Variants in LINGO1 observed in about 807,000 individuals in gnomAD.
The protein encoded by LINGO1 is leucine rich repeat and Ig domain containing 1, also known as leucine-rich repeat and immunoglobulin-like domain-containing nogo receptor-interacting protein 1.
Under a neutral mutation model 37.3 loss-of-function variants are expected in LINGO1, and 11 were observed. The ratio of observed to expected loss-of-function variants is 0.29; its 90% confidence interval spans 0.19 to 0.49. The LOEUF (loss-of-function observed/expected upper bound fraction) is 0.49. Ranked by LOEUF, LINGO1 falls within the 20% of genes least tolerant of loss-of-function variation. The pLI is 0.99. For missense variants in LINGO1, 585 were observed against 878.2 expected (o/e 0.67, Z 4.22); for synonymous variants, 387 against 403.0 (o/e 0.96, Z 0.48).
At chr15:77,724,507 G>A (rs770523038) in intron 2 of LINGO1, among the ~76,000 whole-genome samples, 29 of 152,210 alleles carry the variant, frequency 1.9e-4, no homozygotes, top group Non-Finnish European at 3.1e-4. Flanking sequence ...TTGTTGAGAT[G>A]AGGAAACTGT....
chr15:77,732,321 A>T (rs1378914317), intron 2 of LINGO1, among the ~76,000 whole-genome samples: 4 of 152,240 alleles, frequency 2.6e-5, no homozygotes, highest in African/African-American at 9.6e-5. Flanking sequence ...CGTTTGCAGC[A>T]GACACATTCT....
intron 1 of LINGO1, among the ~76,000 whole-genome samples, chr15:77,743,699 A>G (rs1286925549): frequency 6.6e-6 from 1 of 152,138 alleles, no homozygotes; most frequent in Non-Finnish European, 1.5e-5. Flanking sequence ...CGAGTTAACA[A>G]GCAAGCGGGG....
intron 1 of LINGO1, among the ~76,000 whole-genome samples, chr15:77,765,058 G>C (rs1213040105): frequency 1.3e-5 from 2 of 152,112 alleles, no homozygotes; most frequent in African/African-American, 4.8e-5. Context: ...GAAAGAAGAG[G>C]AAACAGCAAC....
chr15:77,661,040 G>C (rs756398818), intron 3 of LINGO1, among the ~76,000 whole-genome samples: 10 of 151,818 alleles, frequency 6.6e-5, no homozygotes, highest in Non-Finnish European at 1.2e-4. Context: ...TAACAGAAAT[G>C]AGATGGGCAG....
Position 77,615,759 on chromosome 15 carries a change from C to T in LINGO1, c.148G>A (p.Ala50Thr), listed in dbSNP as rs1292145275. 3.2e-6 allele frequency: 5 copies of T among 1,580,486 alleles called. No homozygotes were observed. The highest frequency in any genetic ancestry group is 1.1e-5 in the South Asian group (1 of 87,878). The change falls in exon 2 of 2, where the codon GCC becomes ACC. Residue 50 changes from alanine to threonine, a missense_variant. By Grantham distance (58) the Ala-to-Thr change is moderately conservative (BLOSUM62 0). Coordinates refer to ENST00000355300, the MANE Select transcript of LINGO1 (RefSeq NM_032808.7). ...TGGCACAGCACAGCGCGGTCCTGGG[C>T]GGAGCACTCGCAGCGGGGCGGGCAG... Reference protein sequence around the residue: ...TGCPPRCECSAQDRAVLCHRK... With the variant: ...TGCPPRCECSTQDRAVLCHRK...
intron 3 of LINGO1, among the ~76,000 whole-genome samples, chr15:77,658,838 T>C (rs1352963008): frequency 6.7e-6 from 1 of 150,194 alleles, no homozygotes; most frequent in African/African-American, 2.5e-5. Flanking sequence ...GAGCTAAGAC[T>C]GAGCGAGGAC....
chr15:77,755,728 C>T (rs2076412631), intron 1 of LINGO1, among the ~76,000 whole-genome samples: 1 of 152,188 alleles, frequency 6.6e-6, no homozygotes. Flanking sequence ...CTACTATGTG[C>T]TGGGCATTCT....
At chr15:77,698,908 G>A (rs1240974936), upstream of LINGO1, among the ~76,000 whole-genome samples, 1 of 152,142 alleles carries the variant, frequency 6.6e-6, no homozygotes, top group Non-Finnish European at 1.5e-5. Flanking sequence ...ACAAGAGCAG[G>A]CCCCTGGACT....
intron 1 of LINGO1, among the ~76,000 whole-genome samples, chr15:77,780,045 T>C (rs751128506): frequency 4.6e-5 from 7 of 152,290 alleles, no homozygotes; most frequent in Admixed American, 6.5e-5. Flanking sequence ...CCCAGGGGGC[T>C]GGGGACAGCC....
intron 1 of LINGO1, among the ~76,000 whole-genome samples, chr15:77,623,834 GTGTGTGTGTGTGAGTGGCC>G (rs1428616543): frequency 6.6e-6 from 1 of 151,546 alleles, no homozygotes; most frequent in Admixed American, 6.6e-5. Context: ...GGGTGTCTGT[GTGTGTGTGTGTGAGTGGCC>G]TGTGTGTGTG....
At chr15:77,680,604 A>G (rs747975459) in intron 2 of LINGO1, among the ~76,000 whole-genome samples, 12 of 152,120 alleles carry the variant, frequency 7.9e-5, no homozygotes, top group Non-Finnish European at 1.8e-4. Context: ...CCTTCCCCAC[A>G]TGCAGAAGGG....
chr15:77,675,940 C>T (rs746241321), intron 3 of LINGO1, among the ~76,000 whole-genome samples: 21 of 152,348 alleles, frequency 1.4e-4, no homozygotes, highest in Non-Finnish European at 2.2e-4. Flanking sequence ...AAGCAATTTT[C>T]TATTCCTGGT....
At chr15:77,730,582 A>T (rs1041425033) in intron 2 of LINGO1, among the ~76,000 whole-genome samples, 1 of 152,224 alleles carries the variant, frequency 6.6e-6, no homozygotes, top group Non-Finnish European at 1.5e-5. Context: ...AGACTGGTCC[A>T]GACTCTCTTT....
At chr15:77,724,587 T>G (rs2141319708) in intron 2 of LINGO1, among the ~76,000 whole-genome samples, 1 of 152,346 alleles carries the variant, frequency 6.6e-6, no homozygotes, top group Middle Eastern at 3.4e-3. Flanking sequence ...ACCTCGCCTC[T>G]CCGGGCTCAG....
At chr15:77,704,774 T>C (rs2075829060) in intron 2 of LINGO1, among the ~76,000 whole-genome samples, 1 of 152,100 alleles carries the variant, frequency 6.6e-6, no homozygotes, top group Admixed American at 6.5e-5. Flanking sequence ...GGTCACACAG[T>C]GCAAGCCCTA....
At chr15:77,730,522 C>G (rs1217419910) in intron 2 of LINGO1, among the ~76,000 whole-genome samples, 1 of 152,214 alleles carries the variant, frequency 6.6e-6, no homozygotes, top group Non-Finnish European at 1.5e-5. Flanking sequence ...AGCGCCTGCC[C>G]CGTACCCGTC....
intron 1 of LINGO1, among the ~76,000 whole-genome samples, chr15:77,814,668 A>G (rs1682688949): frequency 1.3e-5 from 2 of 152,218 alleles, no homozygotes; most frequent in African/African-American, 2.4e-5. Context: ...GAGGCTCAGT[A>G]AAGTGACTTG....
intron 3 of LINGO1, among the ~76,000 whole-genome samples, chr15:77,662,314 A>G (rs1031658375): frequency 6.6e-6 from 1 of 152,120 alleles, no homozygotes; most frequent in Admixed American, 6.5e-5. Flanking sequence ...ACTAAGTTAC[A>G]GCTTGGCCTG....
chr15:77,692,416 C>A (rs905787039), intron 1 of LINGO1, among the ~76,000 whole-genome samples: 1 of 152,114 alleles, frequency 6.6e-6, no homozygotes, highest in Non-Finnish European at 1.5e-5. Flanking sequence ...GAAACACGGA[C>A]GGAGAGTTTT....
Sources: gnomAD v4.1 joint callset for allele counts (sites outside exome capture counted in the v4.1 genomes callset) on GRCh38, gnomAD v4.1.1 for gene constraint, MANE v1.5 for transcripts, NCBI Gene and HGNC (gene_info 2026-07-23, HGNC 2026-07-21) for gene names.